Variants in NEIL3 observed in about 807,000 individuals in gnomAD.
NEIL3 encodes the protein endonuclease 8-like 3.
A neutral mutation model predicts 57.5 loss-of-function variants in NEIL3; 48 were observed. The observed-to-expected ratio is 0.83, with a 90% CI of 0.66 to 1.06. The LOEUF is 1.06. NEIL3 is among the 50% of genes least tolerant of loss of function. The pLI, the probability that NEIL3 is intolerant of heterozygous loss-of-function variation, is 0.00. For synonymous variants in NEIL3, 261 were observed against 253.2 expected, an observed-to-expected ratio of 1.03 and a Z score of -0.29; for missense variants, 717 against 739.1, an observed-to-expected ratio of 0.97 and a Z score of 0.35.
At chr4:177,351,875 G>A (rs1013558958) in intron 7 of NEIL3, among the ~76,000 whole-genome samples, 12 of 152,226 alleles carry the variant, frequency 7.9e-5, no homozygotes, top group Admixed American at 2.0e-4. Flanking sequence ...AGCAACTTTC[G>A]AGTTTGTTAT....
intron 7 of NEIL3, among the ~76,000 whole-genome samples, chr4:177,352,343 C>T (rs1445479868): frequency 2.0e-5 from 3 of 152,158 alleles, no homozygotes; most frequent in African/African-American, 4.8e-5. Context: ...TCAGCAGAGG[C>T]GGAGCCCATG....
intron 9 of NEIL3, among the ~76,000 whole-genome samples, chr4:177,361,067 A>G (rs1485983909): frequency 6.6e-6 from 1 of 152,222 alleles, no homozygotes; most frequent in Non-Finnish European, 1.5e-5. Flanking sequence ...TGCATTGGAT[A>G]AAGGTTTATA....
intron 1 of NEIL3, among the ~76,000 whole-genome samples, chr4:177,311,944 C>A (rs1268577118): frequency 6.6e-6 from 1 of 152,098 alleles, no homozygotes; most frequent in African/African-American, 2.4e-5. Flanking sequence ...TCAACCACAA[C>A]GTATTTTGTG....
intron 2 of NEIL3, among the ~76,000 whole-genome samples, chr4:177,329,507 TA>T (rs1157962716): frequency 6.6e-6 from 1 of 151,990 alleles, no homozygotes; most frequent in Non-Finnish European, 1.5e-5. Flanking sequence ...AGAAGGACAT[TA>T]AAAAAAGATT....
intron 4 of NEIL3, among the ~76,000 whole-genome samples, chr4:177,336,584 A>T (rs891972438): frequency 6.6e-6 from 1 of 152,086 alleles, no homozygotes; most frequent in Non-Finnish European, 1.5e-5. Context: ...TGTTCTCTCC[A>T]TACCAGGTAT....
At chr4:177,321,497 G>A (rs1448183757) in intron 1 of NEIL3, among the ~76,000 whole-genome samples, 2 of 151,894 alleles carry the variant, frequency 1.3e-5, no homozygotes, top group Admixed American at 1.3e-4. Context: ...TATACATAAT[G>A]CTCAGTTTAA....
At chr4:177,352,796 C>T (rs1000551664) in intron 7 of NEIL3, among the ~76,000 whole-genome samples, 29 of 151,510 alleles carry the variant, frequency 1.9e-4, no homozygotes, top group South Asian at 8.4e-4. Flanking sequence ...CGCCACTGCA[C>T]TCCAGCCTGG....
intron 8 of NEIL3, chr4:177,357,017 G>C (rs1735486904): frequency 6.6e-6 from 1 of 152,182 alleles, no homozygotes; most frequent in African/African-American, 2.4e-5. Flanking sequence ...CAGGGATGTT[G>C]AAGATCTGTC....
At chr4:177,340,379 A>C (rs752469366) in intron 5 of NEIL3, among the ~76,000 whole-genome samples, 1 of 152,188 alleles carries the variant, frequency 6.6e-6, no homozygotes, top group Non-Finnish European at 1.5e-5. Context: ...CTGACTTGTA[A>C]ATGTGGAAAG....
At chr4:177,312,477 T>G (rs147590419) in intron 1 of NEIL3, among the ~76,000 whole-genome samples, 3 of 152,356 alleles carry the variant, frequency 2.0e-5, no homozygotes, top group African/African-American at 7.2e-5. Flanking sequence ...ATTTTTAGTT[T>G]TGTTCGGTTG....
intron 1 of NEIL3, among the ~76,000 whole-genome samples, chr4:177,319,665 G>T (rs145514417): frequency 4.5e-4 from 68 of 152,154 alleles, no homozygotes; most frequent in African/African-American, 1.4e-3. Context: ...CTTTACATCA[G>T]ATGTAACTTA....
In NEIL3 at chr4:177,353,816, A is replaced by C; in HGVS notation, c.1460+88A>C. 3 of 1,154,490 alleles carry C rather than the reference A, an allele frequency of 2.6e-6. No individual in the cohort carries two copies. In the South Asian group the frequency reaches 4.2e-5, roughly 16 times the overall value. 71.5% of individuals were successfully genotyped at this position (1,154,490 alleles called of 1,614,324 possible). On this transcript the variant is annotated intron_variant, in intron 8 of 9. Coordinates refer to ENST00000264596, the MANE Select transcript of NEIL3 (RefSeq NM_018248.3). ...GGTCTCACTCTGTCACCTAGGCTAC[A>C]GTGCAGTGGTGTGATCTCAGCTCAC...
At chr4:177,346,330 C>A (rs1735219987) in intron 6 of NEIL3, among the ~76,000 whole-genome samples, 1 of 146,088 alleles carries the variant, frequency 6.8e-6, no homozygotes, top group South Asian at 2.2e-4. Context: ...TCATGCTTGC[C>A]TAATTTTTTA....
intron 6 of NEIL3, chr4:177,343,284 G>C (rs1490970854): frequency 6.6e-6 from 1 of 152,310 alleles, no homozygotes; most frequent in Non-Finnish European, 1.5e-5. Context: ...TCCAGGATGA[G>C]AGAGGCTGTC....
chr4:177,357,365 GA>G (rs1735496025), intron 8 of NEIL3, among the ~76,000 whole-genome samples: 2 of 151,216 alleles, frequency 1.3e-5, no homozygotes, highest in South Asian at 4.2e-4. Flanking sequence ...TTTTTTGTGT[GA>G]TTTTTTTTTT....
intron 6 of NEIL3, among the ~76,000 whole-genome samples, chr4:177,346,047 A>G (rs2110919657): frequency 6.6e-6 from 1 of 152,312 alleles, no homozygotes; most frequent in Admixed American, 6.5e-5. Context: ...CAAATATTCA[A>G]TAAATATAGG....
chr4:177,328,153 G>T (rs1382255632), intron 2 of NEIL3, among the ~76,000 whole-genome samples: 1 of 152,032 alleles, frequency 6.6e-6, no homozygotes. Context: ...TTCCAGAAAG[G>T]AAAGAGAAAA....
At chr4:177,350,146 A>T (rs190383459) in intron 6 of NEIL3, among the ~76,000 whole-genome samples, 1 of 152,360 alleles carries the variant, frequency 6.6e-6, no homozygotes, top group Non-Finnish European at 1.5e-5. Context: ...AAACTAGTGT[A>T]ATTATATGTA....
intron 1 of NEIL3, among the ~76,000 whole-genome samples, chr4:177,317,277 T>C (rs1734592193): frequency 6.6e-6 from 1 of 152,228 alleles, no homozygotes; most frequent in Non-Finnish European, 1.5e-5. Flanking sequence ...GAAACACCAG[T>C]AGAGCAAATA....
Sources: allele counts gnomAD v4.1 joint callset (sites outside exome capture counted in the v4.1 genomes callset), GRCh38; gene constraint gnomAD v4.1.1; transcripts MANE v1.5; gene names NCBI Gene and HGNC (gene_info 2026-07-23, HGNC 2026-07-21).